The following RALGPS1 variants were observed in gnomAD, a reference collection of about 807,000 sequenced individuals.
The protein encoded by RALGPS1 is Ral GEF with PH domain and SH3 binding motif 1.
Under a neutral mutation model 78.8 loss-of-function variants are expected in RALGPS1, and 19 were observed. The ratio of observed to expected loss-of-function variants is 0.24; its 90% confidence interval spans 0.17 to 0.35. The LOEUF (loss-of-function observed/expected upper bound fraction) is 0.35. Ranked by LOEUF, RALGPS1 falls within the 10% of genes least tolerant of loss-of-function variation. RALGPS1 has a pLI of 1.00. For synonymous variants in RALGPS1, 228 were observed against 256.3 expected (o/e 0.89, Z 1.06); for missense variants, 454 against 688.3 (o/e 0.66, Z 3.81).
chr9:127,170,623 T>C (rs923798019), intron 10 of RALGPS1, among the ~76,000 whole-genome samples: 3 of 152,232 alleles, frequency 2.0e-5, no homozygotes, highest in Non-Finnish European at 4.4e-5. Flanking sequence ...ATATTTTCCA[T>C]TTATGCACCA....
chr9:127,128,711 ACT>A (rs915140790), intron 8 of RALGPS1, among the ~76,000 whole-genome samples: 2 of 152,024 alleles, frequency 1.3e-5, no homozygotes, highest in African/African-American at 4.8e-5. Context: ...AGGTCCTGTG[ACT>A]CTCCGCACCA....
chr9:127,147,849 T>G lies in RALGPS1; in HGVS notation c.611-18220T>G, dbSNP rs148397905. Among the ~76,000 whole-genome samples, 1,135 of 152,340 alleles carry G rather than the reference T, an allele frequency of 7.5e-3. 14 individuals carry two copies. Among genetic ancestry groups the G allele is most frequent in the African/African-American group, 0.024 (1,018 of 41,576 alleles). On this transcript the variant is annotated intron_variant, in intron 8 of 18. Coordinates refer to ENST00000259351, the MANE Select transcript of RALGPS1 (RefSeq NM_014636.3). Reference sequence around the variant, plus strand: ...GTGGTGTTATCATTATCATTACTATTGGTGTATTAAAGGCATTCACGAAAA... The same window carrying G: ...GTGGTGTTATCATTATCATTACTATGGGTGTATTAAAGGCATTCACGAAAA...
At chr9:126,994,291 A>G (rs1051188393) in intron 4 of RALGPS1, among the ~76,000 whole-genome samples, 2 of 152,020 alleles carry the variant, frequency 1.3e-5, no homozygotes, top group Admixed American at 6.5e-5. Flanking sequence ...AAAAAAAATT[A>G]GTTGAATGGA....
chr9:126,926,426 A>G (rs1296100100), intron 1 of RALGPS1, among the ~76,000 whole-genome samples: 1 of 152,204 alleles, frequency 6.6e-6, no homozygotes, highest in Admixed American at 6.5e-5. Flanking sequence ...GAAGCAGGAT[A>G]CAGGCAGAGG....
chr9:127,024,688 G>A (rs1207049437), intron 4 of RALGPS1, among the ~76,000 whole-genome samples: 1 of 152,044 alleles, frequency 6.6e-6, no homozygotes, highest in Non-Finnish European at 1.5e-5. Context: ...AAGACCTGTA[G>A]ATTTTCTTCT....
chr9:126,977,171 T>G (rs1285399106), intron 3 of RALGPS1, among the ~76,000 whole-genome samples: 2 of 152,232 alleles, frequency 1.3e-5, no homozygotes, highest in Admixed American at 1.3e-4. Flanking sequence ...CCCGTGCTGG[T>G]CTGTGGGTGC....
At chr9:126,916,552 G>T (rs934797399) in intron 1 of RALGPS1, among the ~76,000 whole-genome samples, 1 of 152,162 alleles carries the variant, frequency 6.6e-6, no homozygotes, top group Admixed American at 6.5e-5. Flanking sequence ...AGGCCAAGGC[G>T]GGTGGATCAT....
At position 127,205,139 on chromosome 9, in the gene RALGPS1, C is replaced by G. The variant is rs553378099; in HGVS notation, c.1247+6073C>G. ...TCGGGTTCATTCTGCTGCCTGGTGC[C>G]TGGCTTCAGTGCTCTGGACAGTTGG... On this transcript the variant is annotated intron_variant, in intron 14 of 18. Transcript: ENST00000259351. This position sits in a 1 kb window ranked among gnomAD's most constrained non-coding sequence, Gnocchi z 4.0. Among the ~76,000 whole-genome samples, 3 of 152,362 alleles carry G rather than the reference C, an allele frequency of 2.0e-5. No individual in the cohort carries two copies. The East Asian group carries it at 5.8e-4, about 29-fold the overall frequency.
intron 11 of RALGPS1, among the ~76,000 whole-genome samples, chr9:127,179,045 C>T (rs1374303125): frequency 6.6e-6 from 1 of 152,214 alleles, no homozygotes; most frequent in African/African-American, 2.4e-5. Context: ...CCTGTAGGCA[C>T]CTGGTCCTCA....
At chr9:126,930,174 GT>G (rs368081539) in intron 1 of RALGPS1, among the ~76,000 whole-genome samples, 10,841 of 140,048 alleles carry the variant, frequency 0.077, 1,175 homozygotes, top group African/African-American at 0.25. Context: ...TTTTATTTTA[GT>G]TTTTTTTTTT....
chr9:127,133,454 G>A (rs1462402818), intron 8 of RALGPS1, among the ~76,000 whole-genome samples: 17 of 152,340 alleles, frequency 1.1e-4, no homozygotes, highest in Admixed American at 6.5e-5. Flanking sequence ...CCGAGGTGGC[G>A]TCCCCGTCTG....
intron 13 of RALGPS1, among the ~76,000 whole-genome samples, chr9:127,198,081 C>G (rs767127973): frequency 6.6e-6 from 1 of 152,252 alleles, no homozygotes; most frequent in Non-Finnish European, 1.5e-5. Context: ...AGCTGTCCAA[C>G]GTCCAGACAG....
At chr9:127,204,614 G>A (rs930480902) in intron 14 of RALGPS1, among the ~76,000 whole-genome samples, 1 of 152,202 alleles carries the variant, frequency 6.6e-6, no homozygotes, top group Non-Finnish European at 1.5e-5. Context: ...TGGACTGTGG[G>A]AGGGCCCCTC....
chr9:127,143,923 T>C (rs2057940536), intron 8 of RALGPS1, among the ~76,000 whole-genome samples: 1 of 152,218 alleles, frequency 6.6e-6, no homozygotes, highest in Admixed American at 6.5e-5. Context: ...GCTCTGCCCT[T>C]GCCCTCCCCT....
At chr9:127,125,234 C>T (rs1329597546) in intron 8 of RALGPS1, among the ~76,000 whole-genome samples, 1 of 152,224 alleles carries the variant, frequency 6.6e-6, no homozygotes, top group African/African-American at 2.4e-5. Context: ...ACAAAAAGCT[C>T]TTGTAGTTTC....
chr9:127,106,736 A>G (rs537441308), intron 8 of RALGPS1, among the ~76,000 whole-genome samples: 6 of 152,318 alleles, frequency 3.9e-5, no homozygotes, highest in South Asian at 4.1e-4. Flanking sequence ...TCTGAAAACA[A>G]TGCTGCCCTT....
chr9:127,047,474 G>A (rs1448480570), intron 5 of RALGPS1, among the ~76,000 whole-genome samples: 4 of 152,164 alleles, frequency 2.6e-5, no homozygotes, highest in African/African-American at 7.2e-5. Context: ...CGAGGCAGGT[G>A]GATCACCTGA....
At chr9:127,152,097 C>T (rs540314246) in intron 8 of RALGPS1, among the ~76,000 whole-genome samples, 2 of 152,188 alleles carry the variant, frequency 1.3e-5, no homozygotes, top group South Asian at 4.1e-4. Context: ...CGCATCCACC[C>T]GCAGTTTCAT....
chr9:127,003,179 C>A (rs982672800), intron 4 of RALGPS1, among the ~76,000 whole-genome samples: 3 of 152,124 alleles, frequency 2.0e-5, no homozygotes, highest in Non-Finnish European at 4.4e-5. Flanking sequence ...AAAGCAATGG[C>A]AACAAAAGCC....
Sources: gnomAD v4.1 joint callset for allele counts (sites outside exome capture counted in the v4.1 genomes callset) on GRCh38, gnomAD v4.1.1 for gene constraint, Gnocchi (gnomAD v3.1) non-coding constraint, MANE v1.5 for transcripts, NCBI Gene and HGNC (gene_info 2026-07-23, HGNC 2026-07-21) for gene names.